Variants in GALNTL6 observed in about 807,000 individuals in gnomAD.
GALNTL6 encodes the protein polypeptide N-acetylgalactosaminyltransferase like 6, also known as polypeptide N-acetylgalactosaminyltransferase-like 6.
GALNTL6 carries 46 observed loss-of-function variants against 73.7 expected under a neutral mutation model. The ratio of observed to expected loss-of-function variants is 0.62; its 90% CI spans 0.49 to 0.80. The LOEUF is 0.80. Ranked by LOEUF, GALNTL6 falls within the 30% of genes least tolerant of loss-of-function variation. The probability of loss-of-function intolerance (pLI) is 0.00; values close to 1 mark genes in which losing one functional copy is unlikely to be tolerated. For synonymous variants in GALNTL6, 259 were observed against 263.7 expected, an observed-to-expected ratio of 0.98 and a Z score of 0.17; for missense variants, 604 against 755.0, an observed-to-expected ratio of 0.80 and a Z score of 2.34.
chr4:172,018,978 GTAAGTT>G (rs1741305643), intron 2 of GALNTL6, among the ~76,000 whole-genome samples: 1 of 152,046 alleles, frequency 6.6e-6, no homozygotes, highest in Non-Finnish European at 1.5e-5. Context: ...CCAGCTCTAG[GTAAGTT>G]TAAATCCTTC....
At chr4:172,771,347 G>A (rs1269553671) in intron 5 of GALNTL6, among the ~76,000 whole-genome samples, 1 of 152,132 alleles carries the variant, frequency 6.6e-6, no homozygotes, top group Non-Finnish European at 1.5e-5. Context: ...TGGGACAAGA[G>A]TTCTCTAAGG....
At chr4:171,980,968 A>G (rs1739879793) in intron 2 of GALNTL6, among the ~76,000 whole-genome samples, 1 of 152,202 alleles carries the variant, frequency 6.6e-6, no homozygotes, top group Non-Finnish European at 1.5e-5. Flanking sequence ...AAATGATTAG[A>G]ATCAAGTGTT....
intron 2 of GALNTL6, among the ~76,000 whole-genome samples, chr4:171,982,347 G>C (rs141029970): frequency 3.9e-5 from 6 of 152,118 alleles, no homozygotes; most frequent in Non-Finnish European, 7.4e-5. Flanking sequence ...ACCCAGGCTG[G>C]AGTGCAGTGG....
At chr4:172,123,220 G>C (rs1432600846) in intron 2 of GALNTL6, among the ~76,000 whole-genome samples, 1 of 152,124 alleles carries the variant, frequency 6.6e-6, no homozygotes, top group Non-Finnish European at 1.5e-5. Context: ...TTAAGGCTTT[G>C]TTTTATAATT....
At chr4:171,865,846 T>G (rs2110886410) in intron 2 of GALNTL6, among the ~76,000 whole-genome samples, 1 of 152,322 alleles carries the variant, frequency 6.6e-6, no homozygotes, top group South Asian at 2.1e-4. Flanking sequence ...TTCTGTCAAA[T>G]AAAATCTTTT....
In GALNTL6 at chr4:172,182,089, A is replaced by T. The variant is rs567595175; in HGVS notation, c.139-47567A>T. ...CAGGATACAAAATCAATGTGCAAAA[A>T]TCACAAGCATTTCTATACACCAGTA... On this transcript the variant is annotated intron_variant, in intron 2 of 12. Coordinates refer to ENST00000506823, the MANE Select transcript of GALNTL6 (RefSeq NM_001034845.3). 5.1e-4 allele frequency among the ~76,000 whole-genome samples: 77 copies of T among 152,324 alleles called. 2 individuals carry two copies. The East Asian group carries it at 0.012, about 24-fold the overall frequency.
intron 5 of GALNTL6, among the ~76,000 whole-genome samples, chr4:172,435,335 T>TA (rs1731596595): frequency 6.6e-6 from 1 of 151,932 alleles, no homozygotes; most frequent in African/African-American, 2.4e-5. Flanking sequence ...AAGGAAAAAA[T>TA]AAAACCATTT....
intron 5 of GALNTL6, among the ~76,000 whole-genome samples, chr4:172,641,366 A>T (rs749740598): frequency 3.5e-4 from 53 of 152,118 alleles, no homozygotes; most frequent in Non-Finnish European, 1.8e-4. Flanking sequence ...AGGCCCTGCC[A>T]GTTCTGGGCC....
At chr4:172,664,714 A>G (rs959216804) in intron 5 of GALNTL6, among the ~76,000 whole-genome samples, 1 of 152,188 alleles carries the variant, frequency 6.6e-6, no homozygotes, top group Non-Finnish European at 1.5e-5. Context: ...CCTTACTGCA[A>G]ATCCTCCAAA....
At chr4:172,323,015 G>A (rs1740811981) in intron 4 of GALNTL6, among the ~76,000 whole-genome samples, 1 of 152,020 alleles carries the variant, frequency 6.6e-6, no homozygotes, top group East Asian at 1.9e-4. Flanking sequence ...TATTTAAAAA[G>A]CAACAGCCTA....
rs529757821 is a variant in GALNTL6 at position 172,372,548 on chromosome 4, C to T, written c.553+23859C>T. Among the ~76,000 whole-genome samples, 37 of 152,314 alleles carry T rather than the reference C, an allele frequency of 2.4e-4. No homozygotes were observed. In the South Asian group the frequency reaches 6.6e-3, roughly 27 times the overall value. On this transcript the variant is annotated intron_variant, in intron 5 of 12. Coordinates refer to ENST00000506823, the MANE Select transcript of GALNTL6 (RefSeq NM_001034845.3). The stretch of plus-strand genomic sequence containing the variant: ...TTTTGCTACTACATCAATTTCCTTA[C>T]TTAGGTATGCCACTGGTTGTGGGGT...
intron 2 of GALNTL6, among the ~76,000 whole-genome samples, chr4:171,966,563 G>T (rs751273727): frequency 6.6e-6 from 1 of 152,182 alleles, no homozygotes; most frequent in Non-Finnish European, 1.5e-5. Context: ...GGTATTTATA[G>T]TCTGCTGAAG....
intron 3 of GALNTL6, among the ~76,000 whole-genome samples, chr4:172,291,930 TA>T (rs1275290605): frequency 6.6e-6 from 1 of 152,126 alleles, no homozygotes; most frequent in African/African-American, 2.4e-5. Flanking sequence ...TAACCATAGT[TA>T]GGGATGATTT....
At chr4:172,723,056 C>T (rs1160043508) in intron 5 of GALNTL6, among the ~76,000 whole-genome samples, 2 of 152,032 alleles carry the variant, frequency 1.3e-5, no homozygotes, top group Non-Finnish European at 2.9e-5. Flanking sequence ...AGGGTGCCCA[C>T]GTTCTTTGAC....
At chr4:171,901,979 A>C (rs1455817768) in intron 2 of GALNTL6, among the ~76,000 whole-genome samples, 1 of 152,226 alleles carries the variant, frequency 6.6e-6, no homozygotes, top group Non-Finnish European at 1.5e-5. Context: ...TAAAACATGC[A>C]TACAGCTCAT....
At chr4:171,980,698 A>C (rs1400182454) in intron 2 of GALNTL6, among the ~76,000 whole-genome samples, 1 of 152,170 alleles carries the variant, frequency 6.6e-6, no homozygotes, top group Admixed American at 6.5e-5. Flanking sequence ...CCAAGGGAAA[A>C]TCACCTCCAG....
intron 2 of GALNTL6, among the ~76,000 whole-genome samples, chr4:172,114,395 G>T (rs933382284): frequency 6.6e-6 from 1 of 152,004 alleles, no homozygotes; most frequent in Non-Finnish European, 1.5e-5. Flanking sequence ...AAGGGTATAA[G>T]TCATTCGTTC....
intron 7 of GALNTL6, among the ~76,000 whole-genome samples, chr4:172,843,216 T>G (rs943032092): frequency 5.3e-5 from 8 of 152,214 alleles, no homozygotes; most frequent in Non-Finnish European, 7.3e-5. Context: ...AATGCCATTA[T>G]AAATGGAGGT....
Position 172,273,452 on chromosome 4 carries a change from G to A in GALNTL6, c.248-38162G>A, listed in dbSNP as rs144793267. On this transcript the variant is annotated intron_variant, in intron 3 of 12. Transcript: ENST00000506823. Reference sequence around the variant, plus strand: ...GTAGCACTAAGATTTCATTGGTGGAGGGGCAGTCGGAAAAAGAAAATTTTA... The same window carrying A: ...GTAGCACTAAGATTTCATTGGTGGAAGGGCAGTCGGAAAAAGAAAATTTTA... Among the ~76,000 whole-genome samples, 1,256 of 152,170 alleles carry A rather than the reference G, an allele frequency of 8.3e-3. 18 individuals carry two copies. Among genetic ancestry groups the A allele is most frequent in the African/African-American group, 0.029 (1,192 of 41,502 alleles).
Sources: gnomAD v4.1 joint callset for allele counts (sites outside exome capture counted in the v4.1 genomes callset) on GRCh38, gnomAD v4.1.1 for gene constraint, MANE v1.5 for transcripts, NCBI Gene and HGNC (gene_info 2026-07-23, HGNC 2026-07-21) for gene names.